GPD2: variants seen among roughly 807,000 people sequenced by gnomAD.
The protein encoded by GPD2 is glycerol-3-phosphate dehydrogenase 2, also known as glycerol-3-phosphate dehydrogenase, mitochondrial.
GPD2 carries 54 observed loss-of-function variants against 82.4 expected under a neutral mutation model. The observed-to-expected ratio is 0.66, with a 90% CI of 0.53 to 0.82. The LOEUF (loss-of-function observed/expected upper bound fraction) is 0.82, where lower values mean the gene tolerates loss of function less well. GPD2 is among the 40% of genes least tolerant of loss of function. The probability of loss-of-function intolerance (pLI) is 0.00; values close to 1 mark genes in which losing one functional copy is unlikely to be tolerated. For missense variants in GPD2, 748 were observed against 896.2 expected (o/e 0.83, Z 2.11); for synonymous variants, 288 against 306.1 (o/e 0.94, Z 0.62).
intron 15 of GPD2, among the ~76,000 whole-genome samples, chr2:156,579,466 C>T (rs1401774815): frequency 6.6e-6 from 1 of 151,372 alleles, no homozygotes; most frequent in East Asian, 1.9e-4. Context: ...GTAGCTGGGA[C>T]TACAAGTGCG....
intron 1 of GPD2, among the ~76,000 whole-genome samples, chr2:156,454,944 G>A (rs1313144672): frequency 1.3e-5 from 2 of 152,062 alleles, no homozygotes; most frequent in Admixed American, 6.5e-5. Context: ...CCTCCTTGGG[G>A]ACCAGCTGCC....
chr2:156,578,832 A>G (rs1687916513), intron 13 of GPD2, 57 bp from the exon 14 acceptor site: 1 of 988,718 alleles, frequency 1.0e-6, no homozygotes, highest in Admixed American at 1.7e-5. Context: ...TAAAAAAAGG[A>G]GGAAAAAAAT....
chr2:156,444,718 A>AAT (rs1553464315), intron 1 of GPD2, among the ~76,000 whole-genome samples: 3 of 29,726 alleles, frequency 1.0e-4, no homozygotes, highest in Admixed American at 5.8e-4. Flanking sequence ...CTCAAAAACA[A>AAT]ATACACACAC....
intron 2 of GPD2, 31 bp from the exon 3 acceptor site, chr2:156,496,013 G>T: frequency 1.3e-6 from 2 of 1,570,830 alleles, no homozygotes; most frequent in Non-Finnish European, 8.8e-7. Flanking sequence ...ATTCCAAATG[G>T]ACAACTGAAA....
chr2:156,478,493 G>T (rs1301645440), intron 2 of GPD2, among the ~76,000 whole-genome samples: 1 of 151,928 alleles, frequency 6.6e-6, no homozygotes, highest in Admixed American at 6.6e-5. Context: ...TAGCCATAGG[G>T]ACTGGCAAAA....
At chr2:156,549,546 G>A in intron 6 of GPD2, 62 bp from the exon 7 acceptor site, 1 of 1,411,500 alleles carries the variant, frequency 7.1e-7, no homozygotes, top group Non-Finnish European at 1.0e-6. Context: ...ACACACTTTT[G>A]TACCACCAGT....
intron 5 of GPD2, among the ~76,000 whole-genome samples, chr2:156,513,084 A>T (rs1685061748): frequency 6.6e-6 from 1 of 152,144 alleles, no homozygotes. Context: ...TTCCCCAGAG[A>T]ATTCTAATAT....
At chr2:156,450,917 C>A (rs867776218) in intron 1 of GPD2, among the ~76,000 whole-genome samples, 372 of 130,034 alleles carry the variant, frequency 2.9e-3, no homozygotes, top group African/African-American at 0.01. Flanking sequence ...CATCTTGCAC[C>A]GCCCTTAATC....
intron 1 of GPD2, among the ~76,000 whole-genome samples, chr2:156,451,451 G>A (rs1465215094): frequency 1.1e-3 from 95 of 84,266 alleles, no homozygotes; most frequent in African/African-American, 3.6e-3. Flanking sequence ...CGGACGGGGC[G>A]GCTGGCCGGG....
At chr2:156,557,368 T>C in intron 8 of GPD2, 21 bp from the exon 9 acceptor site, 2 of 1,473,994 alleles carry the variant, frequency 1.4e-6, no homozygotes, top group South Asian at 1.1e-5. Context: ...CAGAAATAAA[T>C]AATCCTTCTT....
chr2:156,460,679 C>T (rs1682958476), intron 1 of GPD2, among the ~76,000 whole-genome samples: 1 of 152,080 alleles, frequency 6.6e-6, no homozygotes, highest in African/African-American at 2.4e-5. Context: ...GAAACAACCC[C>T]AGCCCAAGGG....
chr2:156,451,798 C>A (rs1281366866), intron 1 of GPD2, among the ~76,000 whole-genome samples: 1 of 151,874 alleles, frequency 6.6e-6, no homozygotes, highest in Non-Finnish European at 1.5e-5. Flanking sequence ...AGACACTCCT[C>A]ACTTCCCAGA....
At chr2:156,560,116 G>A (rs944107613) in intron 9 of GPD2, among the ~76,000 whole-genome samples, 1 of 152,176 alleles carries the variant, frequency 6.6e-6, no homozygotes, top group African/African-American at 2.4e-5. Flanking sequence ...ATGCAGCGAG[G>A]ATGAGAAATG....
chr2:156,423,856 C>T, the GPD2 span, among the ~76,000 whole-genome samples: 26 of 152,142 alleles, frequency 1.7e-4, no homozygotes, highest in African/African-American at 5.8e-4. Context: ...TATCTCCTAC[C>T]GCTAAGAGCA....
the GPD2 span, among the ~76,000 whole-genome samples, chr2:156,429,444 A>G: frequency 6.6e-6 from 1 of 152,230 alleles, no homozygotes; most frequent in East Asian, 1.9e-4. Flanking sequence ...TTGAGTTTAC[A>G]TTATGAAAAT....
At chr2:156,548,031 G>A (rs1686614890) in intron 6 of GPD2, among the ~76,000 whole-genome samples, 2 of 152,210 alleles carry the variant, frequency 1.3e-5, no homozygotes, top group African/African-American at 4.8e-5. Context: ...ATGTGCCTTT[G>A]TGGGGCAGGG....
In GPD2 at chr2:156,568,690, T is replaced by A. The variant is rs1687479539; in HGVS notation, c.1166-135T>A. 3 of 737,474 alleles carry A rather than the reference T, an allele frequency of 4.1e-6. No homozygotes were observed. The East Asian group carries it at 8.1e-5, about 20-fold the overall frequency. The allele number at this position is 737,474 out of a possible 1,614,324, so 45.7% of individuals were successfully genotyped here. On this transcript the variant is annotated intron_variant, in intron 9 of 16. Transcript: ENST00000438166. Reference sequence around the variant, plus strand: ...TACCTATCCACAAACTTAGTTCTCATCTTTAGGCTTTCTCTCCTTTTTAAA... The same window carrying A: ...TACCTATCCACAAACTTAGTTCTCAACTTTAGGCTTTCTCTCCTTTTTAAA...
intron 1 of GPD2, among the ~76,000 whole-genome samples, chr2:156,447,855 G>T (rs1176236487): frequency 6.6e-6 from 1 of 152,084 alleles, no homozygotes; most frequent in Non-Finnish European, 1.5e-5. Context: ...TCTTTTCTCT[G>T]TTGATGCTTT....
chr2:156,419,957 A>G, the GPD2 span, among the ~76,000 whole-genome samples: 1 of 152,242 alleles, frequency 6.6e-6, no homozygotes, highest in African/African-American at 2.4e-5. Flanking sequence ...TTTGGAATAC[A>G]GAAAATTGTA....
Sources: allele counts gnomAD v4.1 joint callset (sites outside exome capture counted in the v4.1 genomes callset), GRCh38; gene constraint gnomAD v4.1.1; transcripts MANE v1.5; gene names NCBI Gene and HGNC (gene_info 2026-07-23, HGNC 2026-07-21).